The following MCM10 variants were observed in gnomAD, a reference collection of about 807,000 sequenced individuals.
MCM10 encodes protein MCM10 homolog.
A neutral mutation model predicts 109.9 loss-of-function variants in MCM10; 91 were observed. The observed-to-expected ratio is 0.83, with a 90% CI of 0.70 to 0.99. The LOEUF (loss-of-function observed/expected upper bound fraction) is 0.99, where lower values mean the gene tolerates loss of function less well. Among genes scored for constraint, MCM10 ranks in the 50% least tolerant of loss-of-function variants. The pLI, the probability that MCM10 is intolerant of heterozygous loss-of-function variation, is 0.00. For synonymous variants in MCM10, 380 were observed against 387.2 expected, an observed-to-expected ratio of 0.98 and a Z score of 0.22; for missense variants, 1,077 against 1,061.2, an observed-to-expected ratio of 1.01 and a Z score of -0.21.
intron 5 of MCM10, among the ~76,000 whole-genome samples, chr10:13,173,467 T>C (rs1834102043): frequency 6.6e-6 from 1 of 152,204 alleles, no homozygotes; most frequent in Non-Finnish European, 1.5e-5. Flanking sequence ...AATACAGTCC[T>C]AGTTCAGCAC....
In MCM10 at chr10:13,201,469, G is replaced by T. The variant is rs1211028343; in HGVS notation, c.2287G>T (p.Glu763Ter). The T allele has an allele frequency of 6.2e-7, 1 of 1,613,318 alleles. No individual in the cohort carries two copies. The highest frequency in any genetic ancestry group is 1.7e-5 in the Admixed American group (1 of 59,942). The change falls in exon 17 of 20, where the codon GAA becomes TAA. Residue 763 changes from glutamate to a stop codon, truncating the protein, a stop_gained. Transcript: ENST00000378714. LOFTEE classifies it high-confidence loss of function. ...ERYFEPLVKK[E>*]QMEEKMRNIR... ...CTACTTTGAGCCACTGGTGAAAAAA[G>T]AACAAATGGAAGAAAAGATGAGAAA...
At chr10:13,194,122 G>C (rs1036186766) in intron 13 of MCM10, among the ~76,000 whole-genome samples, 4 of 152,308 alleles carry the variant, frequency 2.6e-5, no homozygotes, top group Middle Eastern at 3.4e-3. Context: ...CTAGCACTTT[G>C]GGAGGCCGAG....
At chr10:13,164,514 G>C (rs1422786608) in intron 2 of MCM10, among the ~76,000 whole-genome samples, 1 of 152,204 alleles carries the variant, frequency 6.6e-6, no homozygotes. Flanking sequence ...TCAGGCAAAC[G>C]TATTTTATAG....
At chr10:13,163,879 T>C (rs1216686538) in intron 1 of MCM10, among the ~76,000 whole-genome samples, 1 of 152,098 alleles carries the variant, frequency 6.6e-6, no homozygotes, top group Non-Finnish European at 1.5e-5. Context: ...CGTAATCTAG[T>C]GTGATTTACA....
At chr10:13,203,890 G>A (rs1274817302) in intron 17 of MCM10, among the ~76,000 whole-genome samples, 3 of 152,156 alleles carry the variant, frequency 2.0e-5, no homozygotes, top group East Asian at 1.9e-4. Context: ...CAGACTGACC[G>A]AAGCTATTTA....
At chr10:13,180,653 A>C in intron 7 of MCM10, 46 bp downstream of exon 7, 1 of 1,601,224 alleles carries the variant, frequency 6.2e-7, no homozygotes, top group Admixed American at 1.7e-5. Flanking sequence ...ACAAACTGAC[A>C]GTGGGAATTC....
At position 13,164,871 on chromosome 10, in the gene MCM10, C is replaced by T. The variant is rs370367218; in HGVS notation, c.7+662C>T. On this transcript the variant is annotated intron_variant, in intron 2 of 19. Coordinates refer to ENST00000378714, the MANE Select transcript of MCM10 (RefSeq NM_018518.5). The stretch of plus-strand genomic sequence containing the variant: ...CCCAAGAGTTCAAGACCAGCCTGGG[C>T]AATAGAGTGAGACCTCATTTCTATT... 1.4e-4 allele frequency among the ~76,000 whole-genome samples: 21 copies of T among 152,054 alleles called. No individual in the cohort carries two copies. In the Middle Eastern group the frequency reaches 0.017, roughly 123 times the overall value.
chr10:13,203,643 A>G (rs779185409), intron 17 of MCM10, among the ~76,000 whole-genome samples: 3 of 152,062 alleles, frequency 2.0e-5, no homozygotes, highest in Non-Finnish European at 2.9e-5. Context: ...ATCGCTCTCT[A>G]CTGCACATGT....
At position 13,193,446 on chromosome 10, in the gene MCM10, G is replaced by A. The variant is rs146216694; in HGVS notation, c.1745+878G>A. On this transcript the variant is annotated intron_variant, in intron 13 of 19. Transcript: ENST00000378714. The stretch of plus-strand genomic sequence containing the variant: ...CCATAAACACAGTATCTGAGCCTCC[G>A]GAGGCTTCTCAGCCTTGTTTTACTA... Among the ~76,000 whole-genome samples the A allele has an allele frequency of 3.5e-3, 527 of 152,236 alleles. 2 individuals are homozygous for A. Among genetic ancestry groups the A allele is most frequent in the African/African-American group, 0.012 (489 of 41,534 alleles).
chr10:13,181,788 A>G (rs1323617901), intron 7 of MCM10, among the ~76,000 whole-genome samples: 5 of 152,232 alleles, frequency 3.3e-5, no homozygotes, highest in African/African-American at 1.2e-4. Context: ...TAGTTACTTC[A>G]TAAGTGGCTG....
intron 14 of MCM10, chr10:13,195,568 A>G (rs1834406508): frequency 5.8e-6 from 1 of 172,396 alleles, no homozygotes; most frequent in Admixed American, 6.4e-5. Flanking sequence ...TGGTTTAAGG[A>G]ATCCTTTTTT....
At chr10:13,167,590 G>T (rs1260829508) in intron 2 of MCM10, among the ~76,000 whole-genome samples, 4 of 151,764 alleles carry the variant, frequency 2.6e-5, no homozygotes, top group Non-Finnish European at 5.9e-5. Flanking sequence ...AGGACCGGGG[G>T]GGGCATGCAT....
rs554120325 is a variant in MCM10, at chr10:13,172,826, G to A, written c.592+61G>A. On this transcript the variant is annotated intron_variant, in intron 5 of 19. Transcript: ENST00000378714. This position sits in a 1 kb window ranked among gnomAD's most constrained non-coding sequence, Gnocchi z 5.2. ...TGTATGTGTTTATGTGTGTGGGGGT[G>A]TTCATGTGTGTGTGGGTGTCTGTGT... is the stretch of plus-strand genomic sequence containing the variant. 67 of 1,531,478 alleles carry A rather than the reference G, an allele frequency of 4.4e-5. No homozygotes were observed. Among genetic ancestry groups the A allele is most frequent in the Admixed American group, 7.0e-5 (4 of 57,166 alleles). 94.9% of individuals were successfully genotyped at this position (1,531,478 alleles called of 1,614,324 possible).
Position 13,186,170 on chromosome 10 carries a change from TTATC to T in MCM10, c.1110_1113del (p.Asp372IlefsTer6). ...GCCCCACCTTTTCTTACAGGTGTGT[TTATC>T]TATCGATCATCCTCAGAAGGTCTTA... On this transcript the variant is annotated frameshift_variant, in exon 9 of 20. Coordinates refer to ENST00000378714, the MANE Select transcript of MCM10 (RefSeq NM_018518.5). LOFTEE classifies it high-confidence loss of function. The T allele has an allele frequency of 6.2e-7, 1 of 1,601,394 alleles. No individual in the cohort carries two copies. The highest frequency in any genetic ancestry group is 8.6e-7 in the Non-Finnish European group (1 of 1,169,054).
intron 1 of MCM10, among the ~76,000 whole-genome samples, chr10:13,163,486 C>T (rs1833954423): frequency 6.6e-6 from 1 of 152,184 alleles, no homozygotes; most frequent in African/African-American, 2.4e-5. Flanking sequence ...AAGAGAAGTG[C>T]ACAAAGTGAT....
chr10:13,179,221 G>A (rs1393975977), intron 6 of MCM10, among the ~76,000 whole-genome samples: 1 of 151,980 alleles, frequency 6.6e-6, no homozygotes, highest in Admixed American at 6.6e-5. Flanking sequence ...GCTCTAGCTA[G>A]GACTCCCCTA....
intron 9 of MCM10, 33 bp from the exon 10 acceptor site, chr10:13,188,848 C>T (rs1834308451): frequency 6.3e-7 from 1 of 1,596,322 alleles, no homozygotes; most frequent in Non-Finnish European, 8.6e-7. Context: ...GCCTGTTGCC[C>T]TCATCCTGAT....
rs201534110 is a variant in MCM10 at position 13,195,039 on chromosome 10, A to G, written c.1746-2A>G. Reference sequence around the variant, plus strand: ...CGTATTTTGACTGTATGTTCTTTAAAGATTTCTGCAGAGCTCAAGTGAAGT... The same window carrying G: ...CGTATTTTGACTGTATGTTCTTTAAGGATTTCTGCAGAGCTCAAGTGAAGT... On this transcript the variant is annotated splice_acceptor_variant, in intron 13 of 19. Coordinates refer to ENST00000378714, the MANE Select transcript of MCM10 (RefSeq NM_018518.5). LOFTEE classifies it high-confidence loss of function. 6.2e-7 allele frequency: 1 copy of G among 1,611,378 alleles called. No homozygotes were observed. The highest frequency in any genetic ancestry group is 8.5e-7 in the Non-Finnish European group (1 of 1,178,460).
intron 16 of MCM10, among the ~76,000 whole-genome samples, chr10:13,199,292 T>G (rs1046710978): frequency 6.6e-6 from 1 of 152,266 alleles, no homozygotes; most frequent in African/African-American, 2.4e-5. Context: ...TAATAAATTT[T>G]AGCTTTGTCC....
Sources: gnomAD v4.1 joint callset for allele counts (sites outside exome capture counted in the v4.1 genomes callset) on GRCh38, gnomAD v4.1.1 for gene constraint, Gnocchi (gnomAD v3.1) non-coding constraint, MANE v1.5 for transcripts, NCBI Gene and HGNC (gene_info 2026-07-23, HGNC 2026-07-21) for gene names.